The following CACNA1E variants were observed in gnomAD, a reference collection of about 807,000 sequenced individuals.
The protein encoded by CACNA1E is calcium voltage-gated channel subunit alpha1 E.
In CACNA1E, 40 loss-of-function variants were observed where a neutral mutation model predicts 259.2. The ratio of observed to expected loss-of-function variants is 0.15; its 90% CI spans 0.12 to 0.20. CACNA1E has a LOEUF of 0.20. CACNA1E is among the 10% of genes least tolerant of loss of function. The pLI is 1.00. For missense variants in CACNA1E, 1,874 were observed against 3,040.1 expected, an observed-to-expected ratio of 0.62 and a Z score of 9.02; for synonymous variants, 1,104 against 1,138.5, an observed-to-expected ratio of 0.97 and a Z score of 0.61.
Position 181,667,799 on chromosome 1 carries a change from A to G in CACNA1E, c.1055+16358A>G, listed in dbSNP as rs887126412. 2.0e-5 allele frequency among the ~76,000 whole-genome samples: 3 copies of G among 152,172 alleles called. No individual in the cohort carries two copies. The South Asian group carries it at 6.2e-4, about 32-fold the overall frequency. ...ATAGAGATCCAATACACAGTTGACT[A>G]AAAAATAGCTGTTGAAGCTGGCAAT... is the stretch of plus-strand genomic sequence containing the variant. On this transcript the variant is annotated intron_variant, in intron 7 of 47. Coordinates refer to ENST00000367573, the MANE Select transcript of CACNA1E (RefSeq NM_001205293.3).
chr1:181,634,984 A>G (rs1402320667), intron 6 of CACNA1E, among the ~76,000 whole-genome samples: 3 of 152,212 alleles, frequency 2.0e-5, no homozygotes, highest in African/African-American at 7.2e-5. Context: ...AAGCCATGCC[A>G]TCCTAGCCAG....
chr1:181,702,113 A>G (rs1481657415), intron 7 of CACNA1E, among the ~76,000 whole-genome samples: 1 of 152,168 alleles, frequency 6.6e-6, no homozygotes, highest in East Asian at 1.9e-4. Flanking sequence ...CAGGATATCC[A>G]GCTGACTTAT....
chr1:181,770,928 G>C (rs1659448677), intron 35 of CACNA1E, among the ~76,000 whole-genome samples: 1 of 152,150 alleles, frequency 6.6e-6, no homozygotes, highest in African/African-American at 2.4e-5. Flanking sequence ...GTGCACTCCT[G>C]CTGTGAGATA....
At chr1:181,704,569 G>A (rs114911712) in intron 7 of CACNA1E, among the ~76,000 whole-genome samples, 296 of 152,292 alleles carry the variant, frequency 1.9e-3, no homozygotes, top group African/African-American at 6.7e-3. Flanking sequence ...ATATGACCAT[G>A]TGGCCATTTG....
chr1:181,641,498 A>G (rs1332300738), intron 6 of CACNA1E, among the ~76,000 whole-genome samples: 4 of 145,028 alleles, frequency 2.8e-5, no homozygotes, highest in African/African-American at 1.0e-4. Context: ...GGCCATCTGA[A>G]TCCACCTTCC....
At chr1:181,571,915 A>G (rs1370358860) in intron 3 of CACNA1E, among the ~76,000 whole-genome samples, 1 of 152,232 alleles carries the variant, frequency 6.6e-6, no homozygotes, top group Non-Finnish European at 1.5e-5. Context: ...TTTTCTGGTT[A>G]CTACTTAAGT....
intron 9 of CACNA1E, among the ~76,000 whole-genome samples, chr1:181,715,671 A>G (rs868669401): frequency 1.4e-4 from 21 of 152,346 alleles, no homozygotes; most frequent in Middle Eastern, 3.4e-3. Context: ...AACCAATGCT[A>G]TCTAAAGGGA....
chr1:181,756,441 G>A (rs1456025473), intron 29 of CACNA1E, among the ~76,000 whole-genome samples: 1 of 152,138 alleles, frequency 6.6e-6, no homozygotes, highest in African/African-American at 2.4e-5. Flanking sequence ...TATCCTCCAG[G>A]GGGGCCCAGC....
intron 6 of CACNA1E, among the ~76,000 whole-genome samples, chr1:181,584,951 G>T (rs1651905391): frequency 6.6e-6 from 1 of 152,144 alleles, no homozygotes; most frequent in Admixed American, 6.5e-5. Context: ...TGTAGATACT[G>T]TAAGTGTTAC....
At chr1:181,466,687 C>T (rs1303701518) in intron 2 of CACNA1E, among the ~76,000 whole-genome samples, 2 of 152,324 alleles carry the variant, frequency 1.3e-5, no homozygotes, top group East Asian at 3.9e-4. Flanking sequence ...ACGCTTCCTC[C>T]TTTGTATTTC....
At position 181,796,591 on chromosome 1, in the gene CACNA1E, C is replaced by T. The variant is rs1016145468; in HGVS notation, c.6209-77C>T. ...CCCAACCCCAGGCTGTGATGTGATA[C>T]TTGGAGAGAAGTCCCTTCATCATCA... On this transcript the variant is annotated intron_variant, in intron 46 of 47. Transcript: ENST00000367573. The T allele has an allele frequency of 4.7e-5, 52 of 1,116,906 alleles. 1 individual carries two copies. In the Admixed American group the frequency reaches 9.4e-4, roughly 20 times the overall value. 69.2% of individuals were successfully genotyped at this position (1,116,906 alleles called of 1,614,324 possible).
chr1:181,798,461 A>G lies in CACNA1E; in HGVS notation c.6569A>G (p.Glu2190Gly), dbSNP rs1175156377. 1.1e-5 allele frequency: 18 copies of G among 1,613,670 alleles called. No homozygotes were observed. Among genetic ancestry groups the G allele is most frequent in the Non-Finnish European group, 1.4e-5 (17 of 1,179,824 alleles). ...GSISPPADGS[E>G]EGSPLTSQAL... Reference sequence around the variant, plus strand: ...ATCTCTCCACCTGCTGATGGAAGCGAGGAGGGCTCCCCGCTGACCTCCCAA... The same window carrying G: ...ATCTCTCCACCTGCTGATGGAAGCGGGGAGGGCTCCCCGCTGACCTCCCAA... Residue 2190 changes from glutamate to glycine, a missense_variant, in exon 48 of 48, where the codon GAG (glutamate) becomes GGG (glycine). Glu to Gly is a moderately conservative substitution (Grantham distance 98). Around this residue, in one of 14 missense-constraint regions of CACNA1E, gnomAD observed 542 missense variants for 587.2 expected, o/e 0.92. Transcript: ENST00000367573. The surrounding 1 kb of genome is among the most constrained non-coding windows in gnomAD (Gnocchi z 4.2).
chr1:181,327,871 G>C (rs1650917625), intron 1 of CACNA1E, among the ~76,000 whole-genome samples: 1 of 152,214 alleles, frequency 6.6e-6, no homozygotes, highest in Non-Finnish European at 1.5e-5. Flanking sequence ...TGGGTTGGCT[G>C]GTGGTTCCTT....
intron 3 of CACNA1E, among the ~76,000 whole-genome samples, chr1:181,532,218 T>C (rs767936994): frequency 6.6e-5 from 10 of 152,230 alleles, no homozygotes; most frequent in Non-Finnish European, 1.3e-4. Flanking sequence ...TGAGTGTTTG[T>C]TGTTTTTTGT....
At chr1:181,640,207 G>C (rs1657622701) in intron 6 of CACNA1E, among the ~76,000 whole-genome samples, 1 of 152,218 alleles carries the variant, frequency 6.6e-6, no homozygotes, top group Non-Finnish European at 1.5e-5. Flanking sequence ...CACATCTGTA[G>C]CTCAGTGTGC....
At chr1:181,670,507 G>C (rs914049755) in intron 7 of CACNA1E, among the ~76,000 whole-genome samples, 4 of 152,172 alleles carry the variant, frequency 2.6e-5, no homozygotes, top group African/African-American at 9.7e-5. Context: ...AGAGCACTGA[G>C]ATGCCGTGTT....
At chr1:181,678,327 C>T (rs1649579783) in intron 7 of CACNA1E, among the ~76,000 whole-genome samples, 1 of 152,218 alleles carries the variant, frequency 6.6e-6, no homozygotes, top group East Asian at 1.9e-4. Flanking sequence ...TTTAAAAGAG[C>T]TTTTTTGTTG....
chr1:181,683,959 G>A (rs1001291055), intron 7 of CACNA1E, among the ~76,000 whole-genome samples: 8 of 152,048 alleles, frequency 5.3e-5, no homozygotes, highest in African/African-American at 1.7e-4. Context: ...TATACAGATT[G>A]CTCCTTCAGG....
intron 6 of CACNA1E, 33 bp downstream of exon 6, chr1:181,580,809 A>C: frequency 6.2e-7 from 1 of 1,604,078 alleles, no homozygotes; most frequent in East Asian, 2.2e-5. Flanking sequence ...TGGAAGGAGG[A>C]GGGAAGAACC....
Sources: gnomAD v4.1 joint callset for allele counts (sites outside exome capture counted in the v4.1 genomes callset) on GRCh38, gnomAD v4.1.1 for gene constraint, gnomAD v4.1.1 regional missense constraint, Gnocchi (gnomAD v3.1) non-coding constraint, MANE v1.5 for transcripts, NCBI Gene and HGNC (gene_info 2026-07-23, HGNC 2026-07-21) for gene names.